ANK2: variants seen among roughly 807,000 people sequenced by gnomAD.
The protein encoded by ANK2 is ankyrin-2.
ANK2 carries 83 observed loss-of-function variants against 360.5 expected under a neutral mutation model. The ratio of observed to expected loss-of-function variants is 0.23; its 90% CI spans 0.19 to 0.28. The LOEUF (loss-of-function observed/expected upper bound fraction) is 0.28, where lower values mean the gene tolerates loss of function less well. Ranked by LOEUF, ANK2 falls within the 10% of genes least tolerant of loss-of-function variation. ANK2 has a pLI of 1.00. For missense variants in ANK2, 4,201 were observed against 4,795.7 expected (o/e 0.88, Z 3.66); for synonymous variants, 1,740 against 1,759.5 (o/e 0.99, Z 0.28).
intron 1 of ANK2, among the ~76,000 whole-genome samples, chr4:113,054,899 A>T (rs973157539): frequency 3.3e-5 from 5 of 152,104 alleles, no homozygotes; most frequent in African/African-American, 1.2e-4. Context: ...TGATAATTTC[A>T]TGTCTTAGTA....
chr4:112,797,859 C>T, the ANK2 span: 2 of 153,202 alleles, frequency 1.3e-5, no homozygotes, highest in Non-Finnish European at 2.9e-5. Flanking sequence ...GTTCTTTAGC[C>T]TTACTTTCTT....
At chr4:112,789,034 G>A in the ANK2 span, among the ~76,000 whole-genome samples, 1 of 152,002 alleles carries the variant, frequency 6.6e-6, no homozygotes, top group African/African-American at 2.4e-5. Context: ...AATAGATTAC[G>A]GTTCGGTGCC....
At chr4:112,822,185 G>A (rs1182364884) in intron 1 of ANK2, among the ~76,000 whole-genome samples, 7 of 148,924 alleles carry the variant, frequency 4.7e-5, no homozygotes, top group Non-Finnish European at 1.0e-4. Flanking sequence ...AGAGGATCAC[G>A]AGGTCAGGAG....
chr4:113,098,318 CAAAGA>C (rs930919431), intron 1 of ANK2, among the ~76,000 whole-genome samples: 2 of 151,614 alleles, frequency 1.3e-5, no homozygotes, highest in Non-Finnish European at 3.0e-5. Context: ...GTCAAACTAA[CAAAGA>C]AAAGAAGAAA....
chr4:112,986,071 CAT>C (rs141770018), intron 2 of ANK2, among the ~76,000 whole-genome samples: 5,048 of 101,532 alleles, frequency 0.05, 200 homozygotes, highest in African/African-American at 0.14. Flanking sequence ...AATTATGATC[CAT>C]ATATATATAT....
chr4:113,285,151 T>C (rs932093822), intron 18 of ANK2, among the ~76,000 whole-genome samples: 1 of 152,122 alleles, frequency 6.6e-6, no homozygotes, highest in African/African-American at 2.4e-5. Context: ...TTTTTTTTTT[T>C]TTTCCAGAAA....
chr4:113,348,253 G>T (rs1476770581), intron 35 of ANK2, 23 bp from the exon 36 acceptor site: 39 of 1,611,992 alleles, frequency 2.4e-5, no homozygotes, highest in Non-Finnish European at 3.1e-5. Context: ...TTTCCATCTT[G>T]CATGGCATCT....
At chr4:112,942,411 G>A (rs2094293941) in intron 2 of ANK2, among the ~76,000 whole-genome samples, 1 of 151,994 alleles carries the variant, frequency 6.6e-6, no homozygotes. Flanking sequence ...TAGTCACTTT[G>A]TATTTGTGAT....
At chr4:112,758,555 C>G in the ANK2 span, among the ~76,000 whole-genome samples, 11 of 151,990 alleles carry the variant, frequency 7.2e-5, no homozygotes, top group African/African-American at 2.7e-4. Context: ...GGATTACAGG[C>G]GAGCAGGCGC....
chr4:113,336,996 C>T (rs889303025), intron 31 of ANK2, among the ~76,000 whole-genome samples: 1 of 152,106 alleles, frequency 6.6e-6, no homozygotes, highest in Non-Finnish European at 1.5e-5. Flanking sequence ...AGTTTATATG[C>T]GTTGTCATTC....
intron 15 of ANK2, among the ~76,000 whole-genome samples, chr4:113,275,208 A>T (rs1349185253): frequency 6.6e-6 from 1 of 152,224 alleles, no homozygotes; most frequent in Non-Finnish European, 1.5e-5. Flanking sequence ...GAAGCTGGAA[A>T]ATCACACTTC....
intron 29 of ANK2, among the ~76,000 whole-genome samples, chr4:113,335,188 C>T (rs1396022576): frequency 2.6e-5 from 4 of 152,070 alleles, no homozygotes; most frequent in African/African-American, 7.2e-5. Flanking sequence ...CCCATGATCC[C>T]ATCCTCTTGA....
chr4:113,008,742 C>T (rs2053744844), intron 2 of ANK2, among the ~76,000 whole-genome samples: 1 of 151,874 alleles, frequency 6.6e-6, no homozygotes, highest in Non-Finnish European at 1.5e-5. Context: ...TTTAATAGCC[C>T]AGACACTCCA....
intron 1 of ANK2, among the ~76,000 whole-genome samples, chr4:113,159,191 CCACACACACACACACA>C (rs57967546): frequency 2.8e-5 from 4 of 141,942 alleles, no homozygotes; most frequent in Admixed American, 2.1e-4. Flanking sequence ...CTCTTTCCTT[CCACACACACACACACA>C]CACACACACA....
chr4:113,323,619 G>A (rs1046276290), intron 26 of ANK2: 2 of 700,792 alleles, frequency 2.9e-6, no homozygotes, highest in African/African-American at 1.8e-5. Context: ...TGCTCTTCTC[G>A]ACCTATATCT....
chr4:112,999,635 C>A (rs971141498), intron 2 of ANK2, among the ~76,000 whole-genome samples: 1 of 151,590 alleles, frequency 6.6e-6, no homozygotes, highest in East Asian at 1.9e-4. Context: ...TAACCCACCC[C>A]ACCAGTCCTT....
chr4:113,064,706 C>G (rs1241303716), intron 1 of ANK2, among the ~76,000 whole-genome samples: 2 of 151,994 alleles, frequency 1.3e-5, no homozygotes. Context: ...CATGAAATGA[C>G]AGTTAATTTT....
At chr4:113,315,318 C>T (rs1588020010) in intron 24 of ANK2, among the ~76,000 whole-genome samples, 2 of 152,330 alleles carry the variant, frequency 1.3e-5, no homozygotes, top group South Asian at 2.1e-4. Flanking sequence ...GCCATAGTCA[C>T]TCCTTGAGAG....
intron 1 of ANK2, among the ~76,000 whole-genome samples, chr4:113,050,986 G>A (rs924362820): frequency 3.3e-5 from 5 of 152,224 alleles, no homozygotes; most frequent in African/African-American, 9.6e-5. Flanking sequence ...ATAGAAATAA[G>A]CATGTGATGA....
Sources: gnomAD v4.1 joint callset for allele counts (sites outside exome capture counted in the v4.1 genomes callset) on GRCh38, gnomAD v4.1.1 for gene constraint, MANE v1.5 for transcripts, NCBI Gene and HGNC (gene_info 2026-07-23, HGNC 2026-07-21) for gene names.